The following CRB1 variants were observed in gnomAD, a reference collection of about 807,000 sequenced individuals.
CRB1 encodes protein crumbs homolog 1.
In CRB1, 83 loss-of-function variants were observed where a neutral mutation model predicts 120.0. That is an observed-to-expected ratio of 0.69 (90% CI 0.58 to 0.83). The LOEUF is 0.83. Among genes scored for constraint, CRB1 ranks in the 40% least tolerant of loss-of-function variants. The probability of loss-of-function intolerance (pLI) is 0.00; values close to 1 mark genes in which losing one functional copy is unlikely to be tolerated. For missense variants in CRB1, 1,699 were observed against 1,687.6 expected (o/e 1.01, Z -0.12); for synonymous variants, 625 against 612.5 (o/e 1.02, Z -0.30).
At chr1:197,462,463 C>T (rs1380424608) in intron 11 of CRB1, among the ~76,000 whole-genome samples, 4 of 152,090 alleles carry the variant, frequency 2.6e-5, no homozygotes, top group African/African-American at 9.7e-5. Flanking sequence ...CCCTATGCTT[C>T]TGGAAACATT....
intron 4 of CRB1, 148 bp downstream of exon 4, chr1:197,347,627 C>T (rs1659853367): frequency 4.6e-6 from 4 of 875,872 alleles, no homozygotes; most frequent in Admixed American, 2.3e-5. Flanking sequence ...TTCTTCAGTG[C>T]TCACACATAT....
chr1:197,278,200 G>C (rs1327283666), intron 1 of CRB1, among the ~76,000 whole-genome samples: 1 of 151,878 alleles, frequency 6.6e-6, no homozygotes, highest in African/African-American at 2.4e-5. Context: ...TAGGGTGGAG[G>C]CCTCACACAT....
intron 1 of CRB1, among the ~76,000 whole-genome samples, chr1:197,272,513 T>A (rs190782957): frequency 1.0e-3 from 153 of 152,168 alleles, no homozygotes; most frequent in African/African-American, 3.5e-3. Flanking sequence ...TAACAAATAC[T>A]GGAATTCAAG....
rs775563956 is a variant in CRB1, at chr1:197,357,141, C to T, written c.1171+128C>T. On this transcript the variant is annotated intron_variant, in intron 5 of 11. Coordinates refer to ENST00000367400, the MANE Select transcript of CRB1 (RefSeq NM_201253.3). ...ACTCTGCTGCTGTGGTGCAAAGGGTCCCCCTTGTGGGCATGAAAAGTATCT... is the reference window on the plus strand; with the variant it reads ...ACTCTGCTGCTGTGGTGCAAAGGGTTCCCCTTGTGGGCATGAAAAGTATCT... 5 of 934,200 alleles carry T rather than the reference C, an allele frequency of 5.4e-6. No individual in the cohort carries two copies. The Admixed American group carries it at 7.6e-5, about 14-fold the overall frequency. The allele number at this position is 934,200 out of a possible 1,614,324, so 57.9% of individuals were successfully genotyped here.
intron 5 of CRB1, among the ~76,000 whole-genome samples, chr1:197,377,757 A>G (rs1012377567): frequency 6.6e-6 from 1 of 152,168 alleles, no homozygotes; most frequent in South Asian, 2.1e-4. Context: ...AAGATATTAT[A>G]TGAGCTTACA....
chr1:197,230,793 G>C, the CRB1 span, among the ~76,000 whole-genome samples: 1 of 152,132 alleles, frequency 6.6e-6, no homozygotes, highest in Admixed American at 6.5e-5. Flanking sequence ...AAAAGGTAGA[G>C]GTGAATATAG....
At chr1:197,363,940 C>T (rs545343934) in intron 5 of CRB1, 52 of 1,319,630 alleles carry the variant, frequency 3.9e-5, no homozygotes, top group African/African-American at 2.6e-4. Context: ...CATTAAGCTT[C>T]GGCGGTATTA....
the CRB1 span, among the ~76,000 whole-genome samples, chr1:197,213,540 A>C: frequency 6.6e-6 from 1 of 152,334 alleles, no homozygotes; most frequent in South Asian, 2.1e-4. Context: ...AGAAAGCCCT[A>C]GCCTTGAGTA....
chr1:197,232,784 T>C, the CRB1 span, among the ~76,000 whole-genome samples: 65 of 152,256 alleles, frequency 4.3e-4, no homozygotes, highest in African/African-American at 1.4e-3. Context: ...TGGGTAACTA[T>C]ATTCTGAGGA....
intron 11 of CRB1, among the ~76,000 whole-genome samples, chr1:197,467,090 A>T (rs971205327): frequency 1.3e-5 from 2 of 152,224 alleles, no homozygotes; most frequent in African/African-American, 4.8e-5. Context: ...GGCCTGGTAT[A>T]GCCAAGGAAG....
chr1:197,472,813 G>A (rs145382533), intron 11 of CRB1, among the ~76,000 whole-genome samples: 1 of 152,266 alleles, frequency 6.6e-6, no homozygotes, highest in East Asian at 1.9e-4. Flanking sequence ...GGATGGCCCT[G>A]AGTGGATGGT....
chr1:197,361,925 G>A (rs546822013), intron 5 of CRB1, among the ~76,000 whole-genome samples: 1 of 151,848 alleles, frequency 6.6e-6, no homozygotes, highest in South Asian at 2.1e-4. Flanking sequence ...GAGGTAGGAA[G>A]TTTTATTACT....
chr1:197,453,399 A>G (rs934141665), intron 11 of CRB1, among the ~76,000 whole-genome samples: 13 of 147,604 alleles, frequency 8.8e-5, no homozygotes, highest in South Asian at 2.1e-4. Context: ...TATATAACAT[A>G]CTTATATACT....
the CRB1 span, chr1:197,223,331 TA>T: frequency 3.4e-6 from 2 of 586,228 alleles, no homozygotes; most frequent in South Asian, 3.9e-5. Context: ...CATTGTGGTT[TA>T]AAGTAGATAG....
intron 11 of CRB1, among the ~76,000 whole-genome samples, chr1:197,445,737 A>G (rs1665669753): frequency 6.6e-6 from 1 of 152,232 alleles, no homozygotes; most frequent in African/African-American, 2.4e-5. Context: ...AACTGCCAGT[A>G]TTATTACTAA....
Position 197,271,406 on chromosome 1 carries a change from A to G in CRB1, c.70+2924A>G, listed in dbSNP as rs150751368. On this transcript the variant is annotated intron_variant, in intron 1 of 11. Transcript: ENST00000367400. ...GCTGTTTATGTTTTGATCAACCTTT[A>G]TGTCCTTCCAGTTGAGGACATGTGA... Among the ~76,000 whole-genome samples the G allele has an allele frequency of 3.4e-3, 513 of 152,236 alleles. 3 individuals carry two copies. The highest frequency in any genetic ancestry group is 0.012 in the African/African-American group (489 of 41,560).
At chr1:197,332,546 C>T (rs1055904720) in intron 2 of CRB1, among the ~76,000 whole-genome samples, 1 of 151,798 alleles carries the variant, frequency 6.6e-6, no homozygotes, top group Admixed American at 6.6e-5. Context: ...TAGGCTTGTT[C>T]GGGTAAAAAA....
At chr1:197,460,565 A>G (rs930113015) in intron 11 of CRB1, among the ~76,000 whole-genome samples, 2 of 152,120 alleles carry the variant, frequency 1.3e-5, no homozygotes, top group Non-Finnish European at 2.9e-5. Context: ...CTCAACATGC[A>G]ATGCCTCATT....
intron 1 of CRB1, among the ~76,000 whole-genome samples, chr1:197,326,047 T>C (rs566106956): frequency 5.3e-5 from 8 of 152,250 alleles, no homozygotes; most frequent in Admixed American, 3.9e-4. Context: ...GATATTTAAA[T>C]AGAATTTTGA....
Sources: gnomAD v4.1 joint callset for allele counts (sites outside exome capture counted in the v4.1 genomes callset) on GRCh38, gnomAD v4.1.1 for gene constraint, MANE v1.5 for transcripts, NCBI Gene and HGNC (gene_info 2026-07-23, HGNC 2026-07-21) for gene names.